ARHGAP28: variants seen among roughly 807,000 people sequenced by gnomAD.
ARHGAP28 encodes the protein rho GTPase-activating protein 28.
In ARHGAP28, 56 loss-of-function variants were observed where a neutral mutation model predicts 90.7. That is an observed-to-expected ratio of 0.62 (90% CI 0.50 to 0.77). The LOEUF is 0.77. Ranked by LOEUF, ARHGAP28 falls within the 30% of genes least tolerant of loss-of-function variation. ARHGAP28 has a pLI of 0.00. For synonymous variants in ARHGAP28, 308 were observed against 323.3 expected (o/e 0.95, Z 0.51); for missense variants, 869 against 900.9 (o/e 0.96, Z 0.45).
chr18:6,903,595 G>A (rs2143829587), intron 16 of ARHGAP28, among the ~76,000 whole-genome samples: 1 of 152,156 alleles, frequency 6.6e-6, no homozygotes, highest in Non-Finnish European at 1.5e-5. Context: ...CACTTTGGGA[G>A]GCCGAGGCGG....
intron 1 of ARHGAP28, among the ~76,000 whole-genome samples, chr18:6,776,168 A>AG (rs979750899): frequency 2.0e-5 from 3 of 152,196 alleles, no homozygotes; most frequent in African/African-American, 7.2e-5. Flanking sequence ...ATAGCCCCTG[A>AG]GATGAGCTAA....
chr18:6,774,446 G>A (rs1163408112), intron 1 of ARHGAP28, among the ~76,000 whole-genome samples: 1 of 152,074 alleles, frequency 6.6e-6, no homozygotes, highest in Non-Finnish European at 1.5e-5. Flanking sequence ...GCAGATTTTT[G>A]TCATGGTATG....
chr18:6,859,979 C>G, intron 5 of ARHGAP28, 82 bp downstream of exon 5: 1 of 1,225,136 alleles, frequency 8.2e-7, no homozygotes, highest in Non-Finnish European at 1.2e-6. Flanking sequence ...TAAGAAGAAG[C>G]AATTCTTTAA....
At chr18:6,866,116 C>T (rs954527540) in intron 5 of ARHGAP28, among the ~76,000 whole-genome samples, 1 of 152,214 alleles carries the variant, frequency 6.6e-6, no homozygotes, top group Non-Finnish European at 1.5e-5. Flanking sequence ...CATCCCAACT[C>T]AGGTAACGTT....
chr18:6,761,452 C>T (rs2056159212), intron 1 of ARHGAP28, among the ~76,000 whole-genome samples: 1 of 152,188 alleles, frequency 6.6e-6, no homozygotes, highest in African/African-American at 2.4e-5. Flanking sequence ...TCTCACAGAT[C>T]TTGGAGTCTA....
intron 1 of ARHGAP28, among the ~76,000 whole-genome samples, chr18:6,778,474 C>T (rs2056301263): frequency 6.6e-6 from 1 of 152,146 alleles, no homozygotes; most frequent in African/African-American, 2.4e-5. Flanking sequence ...CTGCAAGTAC[C>T]TTATGGGAAA....
Position 6,794,098 on chromosome 18 carries a change from CA to C in ARHGAP28, c.123-30660del, listed in dbSNP as rs2056425043. 3.3e-5 allele frequency among the ~76,000 whole-genome samples: 5 copies of C among 152,220 alleles called. No homozygotes were observed. In the South Asian group the frequency reaches 1.0e-3, roughly 32 times the overall value. ...GTGCAGTTCTAGGCTTAAGGTGTTGCAAAATAGATGCACAGAAAATTGTGCT... is the reference window on the plus strand; with the variant it reads ...GTGCAGTTCTAGGCTTAAGGTGTTGCAAATAGATGCACAGAAAATTGTGCT... On this transcript the variant is annotated intron_variant, in intron 1 of 17. Transcript: ENST00000383472.
At chr18:6,738,638 T>C (rs1242964249) in intron 1 of ARHGAP28, among the ~76,000 whole-genome samples, 1 of 152,206 alleles carries the variant, frequency 6.6e-6, no homozygotes, top group Non-Finnish European at 1.5e-5. Flanking sequence ...TACTGTGATA[T>C]TGGATTTATT....
chr18:6,903,957 A>T (rs1346147959), intron 16 of ARHGAP28, among the ~76,000 whole-genome samples: 1 of 152,218 alleles, frequency 6.6e-6, no homozygotes, highest in African/African-American at 2.4e-5. Context: ...CAGAAACTAG[A>T]TATCAGTAAC....
At chr18:6,829,835 G>T (rs1246210975) in intron 2 of ARHGAP28, among the ~76,000 whole-genome samples, 1 of 152,210 alleles carries the variant, frequency 6.6e-6, no homozygotes, top group Non-Finnish European at 1.5e-5. Context: ...TACTAGGGCT[G>T]CTGTAACAAA....
At chr18:6,738,815 T>C (rs1459616338) in intron 1 of ARHGAP28, among the ~76,000 whole-genome samples, 1 of 152,170 alleles carries the variant, frequency 6.6e-6, no homozygotes, top group Non-Finnish European at 1.5e-5. Context: ...AAGTGAGGAC[T>C]AAATTTCTCT....
chr18:6,730,221 G>GTATA (rs55890039), intron 1 of ARHGAP28: 65,168 of 174,552 alleles, frequency 0.37, 12,673 homozygotes, highest in East Asian at 0.46. Flanking sequence ...TAAGTCATGT[G>GTATA]TATATATATA....
At chr18:6,733,441 TTA>T (rs1281698782) in intron 1 of ARHGAP28, among the ~76,000 whole-genome samples, 1 of 152,130 alleles carries the variant, frequency 6.6e-6, no homozygotes, top group Non-Finnish European at 1.5e-5. Context: ...ATTTCTTTTT[TTA>T]TATATAATTT....
intron 5 of ARHGAP28, among the ~76,000 whole-genome samples, chr18:6,864,497 T>C (rs2057022928): frequency 6.6e-6 from 1 of 152,212 alleles, no homozygotes; most frequent in African/African-American, 2.4e-5. Flanking sequence ...TTGTTATAAA[T>C]TTATTGTGTG....
chr18:6,836,709 A>G (rs970894314), intron 2 of ARHGAP28, among the ~76,000 whole-genome samples: 5 of 152,192 alleles, frequency 3.3e-5, no homozygotes, highest in Admixed American at 1.3e-4. Context: ...AAGACAACAT[A>G]AAACTATAGA....
intron 17 of ARHGAP28, among the ~76,000 whole-genome samples, chr18:6,910,363 C>T (rs150452470): frequency 6.6e-6 from 1 of 152,300 alleles, no homozygotes; most frequent in Non-Finnish European, 1.5e-5. Flanking sequence ...CCTTCCTTGG[C>T]GAGCTCAATC....
chr18:6,793,633 G>A (rs531280158), intron 1 of ARHGAP28, among the ~76,000 whole-genome samples: 1 of 152,128 alleles, frequency 6.6e-6, no homozygotes, highest in Non-Finnish European at 1.5e-5. Context: ...GTCATAATGC[G>A]AATTATAAAG....
chr18:6,856,320 A>G (rs903861559), intron 4 of ARHGAP28, among the ~76,000 whole-genome samples: 4 of 152,164 alleles, frequency 2.6e-5, no homozygotes, highest in Non-Finnish European at 4.4e-5. Flanking sequence ...TTAATCTCTA[A>G]TATACCCATT....
intron 1 of ARHGAP28, among the ~76,000 whole-genome samples, chr18:6,813,126 G>A (rs2056568053): frequency 6.6e-6 from 1 of 152,184 alleles, no homozygotes; most frequent in Non-Finnish European, 1.5e-5. Flanking sequence ...CTTTGGAAAT[G>A]TCTCTACCTA....
Sources: gnomAD v4.1 joint callset for allele counts (sites outside exome capture counted in the v4.1 genomes callset) on GRCh38, gnomAD v4.1.1 for gene constraint, MANE v1.5 for transcripts, NCBI Gene and HGNC (gene_info 2026-07-23, HGNC 2026-07-21) for gene names.